The following AGBL4 variants were observed in gnomAD, a reference collection of about 807,000 sequenced individuals.
AGBL4 encodes cytosolic carboxypeptidase 6.
In AGBL4, 58 loss-of-function variants were observed where a neutral mutation model predicts 66.4. The observed-to-expected ratio is 0.87, with a 90% confidence interval of 0.71 to 1.09. AGBL4 has a LOEUF of 1.09. Among genes scored for constraint, AGBL4 ranks in the 50% least tolerant of loss-of-function variants. The probability of loss-of-function intolerance (pLI) is 0.00; values close to 1 mark genes in which losing one functional copy is unlikely to be tolerated. For synonymous variants in AGBL4, 234 were observed against 222.9 expected, an observed-to-expected ratio of 1.05 and a Z score of -0.44; for missense variants, 579 against 631.0, an observed-to-expected ratio of 0.92 and a Z score of 0.88.
intron 3 of AGBL4, among the ~76,000 whole-genome samples, chr1:49,539,628 C>A (rs1425224509): frequency 6.6e-6 from 1 of 152,206 alleles, no homozygotes; most frequent in Non-Finnish European, 1.5e-5. Flanking sequence ...TAAACCCTCA[C>A]TGGCATAATC....
chr1:49,593,082 G>A (rs1644782426), intron 3 of AGBL4, among the ~76,000 whole-genome samples: 2 of 152,040 alleles, frequency 1.3e-5, no homozygotes, highest in African/African-American at 4.8e-5. Context: ...TTTTGTACAA[G>A]AATATTCATC....
At chr1:48,774,857 A>C (rs932368487) in intron 6 of AGBL4, among the ~76,000 whole-genome samples, 2 of 152,206 alleles carry the variant, frequency 1.3e-5, no homozygotes, top group African/African-American at 2.4e-5. Context: ...AGAGAGGAAA[A>C]CAGCCATTAC....
intron 5 of AGBL4, among the ~76,000 whole-genome samples, chr1:48,959,666 C>T (rs1263649961): frequency 6.6e-6 from 1 of 152,070 alleles, no homozygotes; most frequent in Non-Finnish European, 1.5e-5. Context: ...AATCTTTGAG[C>T]AGAGACATGA....
intron 2 of AGBL4, among the ~76,000 whole-genome samples, chr1:49,700,172 GA>G (rs1647060652): frequency 1.3e-5 from 2 of 151,470 alleles, no homozygotes; most frequent in African/African-American, 4.8e-5. Context: ...CTATTAATAA[GA>G]AAGCAAATGT....
chr1:50,011,459 T>A (rs1661526112), intron 1 of AGBL4, among the ~76,000 whole-genome samples: 1 of 152,200 alleles, frequency 6.6e-6, no homozygotes, highest in Admixed American at 6.5e-5. Context: ...ACAACCACTG[T>A]TGAGAAGCGT....
intron 1 of AGBL4, among the ~76,000 whole-genome samples, chr1:49,883,286 T>C (rs1647620345): frequency 6.6e-6 from 1 of 152,078 alleles, no homozygotes; most frequent in African/African-American, 2.4e-5. Context: ...TGCCTGGATA[T>C]ATGCATATTT....
intron 5 of AGBL4, among the ~76,000 whole-genome samples, chr1:49,033,409 C>T (rs1664386420): frequency 6.6e-6 from 1 of 152,046 alleles, no homozygotes; most frequent in Non-Finnish European, 1.5e-5. Context: ...CATATGTTTG[C>T]TTGGTCATGT....
At chr1:49,417,331 G>A (rs1306205979) in intron 3 of AGBL4, among the ~76,000 whole-genome samples, 3 of 152,094 alleles carry the variant, frequency 2.0e-5, no homozygotes, top group African/African-American at 7.2e-5. Context: ...AGAAACAGAA[G>A]GCTCAATGAA....
intron 2 of AGBL4, among the ~76,000 whole-genome samples, chr1:49,766,522 A>G (rs762257656): frequency 6.6e-6 from 1 of 152,096 alleles, no homozygotes. Context: ...CAACTACTCA[A>G]TACAAACAAA....
At chr1:48,949,920 G>T (rs1228589158) in intron 5 of AGBL4, among the ~76,000 whole-genome samples, 1 of 152,092 alleles carries the variant, frequency 6.6e-6, no homozygotes, top group Non-Finnish European at 1.5e-5. Flanking sequence ...CTCATCTAGG[G>T]CAGGTAAAAA....
chr1:49,911,951 T>C (rs2148213094), intron 1 of AGBL4, among the ~76,000 whole-genome samples: 1 of 152,354 alleles, frequency 6.6e-6, no homozygotes, highest in Admixed American at 6.5e-5. Flanking sequence ...ACCTGTATTT[T>C]ACAGCCCAGG....
intron 1 of AGBL4, among the ~76,000 whole-genome samples, chr1:49,940,731 T>C (rs1654666744): frequency 6.6e-6 from 1 of 151,956 alleles, no homozygotes; most frequent in Non-Finnish European, 1.5e-5. Flanking sequence ...GGGATAGCAT[T>C]AGGAGATATA....
At chr1:48,772,976 T>TC (rs1223722591) in intron 6 of AGBL4, among the ~76,000 whole-genome samples, 1 of 152,096 alleles carries the variant, frequency 6.6e-6, no homozygotes, top group East Asian at 1.9e-4. Context: ...CATCACTCCC[T>TC]CCCCCACAGA....
Position 48,701,658 on chromosome 1 carries a change from G to A in AGBL4, c.635-38417C>T, listed in dbSNP as rs181126604. On this transcript the variant is annotated intron_variant, in intron 6 of 13. Coordinates refer to ENST00000371839, the MANE Select transcript of AGBL4 (RefSeq NM_032785.4). ...ATAGACATTAAAATGCTTTAAAATT[G>A]TTAATGTATAATACACTGGATGATG... Among the ~76,000 whole-genome samples, 13 of 152,238 alleles carry A rather than the reference G, an allele frequency of 8.5e-5. No homozygotes were observed. The East Asian group carries it at 2.1e-3, about 25-fold the overall frequency.
At chr1:49,693,726 C>T (rs1170694689) in intron 3 of AGBL4, among the ~76,000 whole-genome samples, 1 of 151,718 alleles carries the variant, frequency 6.6e-6, no homozygotes, top group Non-Finnish European at 1.5e-5. Flanking sequence ...TAAAAAAATA[C>T]AAAAAAGAAA....
chr1:49,406,101 G>C (rs1401140923), intron 3 of AGBL4, among the ~76,000 whole-genome samples: 1 of 152,188 alleles, frequency 6.6e-6, no homozygotes, highest in Non-Finnish European at 1.5e-5. Flanking sequence ...CTTTCCAAGA[G>C]GGAACTGTCT....
intron 1 of AGBL4, among the ~76,000 whole-genome samples, chr1:49,943,896 G>C (rs916647482): frequency 4.6e-5 from 7 of 152,094 alleles, no homozygotes; most frequent in Admixed American, 4.6e-4. Flanking sequence ...GCAAGTTCTC[G>C]GCTGTGCTCA....
At chr1:49,107,673 A>ATGTGTG (rs141552810) in intron 4 of AGBL4, among the ~76,000 whole-genome samples, 1,996 of 129,702 alleles carry the variant, frequency 0.015, 26 homozygotes, top group Non-Finnish European at 0.026. Flanking sequence ...GAATATGTGT[A>ATGTGTG]TGTGTGTGTG....
intron 2 of AGBL4, among the ~76,000 whole-genome samples, chr1:49,747,870 C>T (rs1033696738): frequency 1.3e-5 from 2 of 151,408 alleles, no homozygotes; most frequent in African/African-American, 4.9e-5. Flanking sequence ...TTTTTATCTA[C>T]AAAATGTTTA....
Sources: allele counts gnomAD v4.1 joint callset (sites outside exome capture counted in the v4.1 genomes callset), GRCh38; gene constraint gnomAD v4.1.1; transcripts MANE v1.5; gene names NCBI Gene and HGNC (gene_info 2026-07-23, HGNC 2026-07-21).